Variants in LPP observed in about 807,000 individuals in gnomAD.
The protein encoded by LPP is LIM domain containing preferred translocation partner in lipoma.
LPP carries 38 observed loss-of-function variants against 60.4 expected under a neutral mutation model. That is an observed-to-expected ratio of 0.63 (90% CI 0.49 to 0.83). The LOEUF is 0.83. Ranked by LOEUF, LPP falls within the 40% of genes least tolerant of loss-of-function variation. The pLI is 0.00. For synonymous variants in LPP, 328 were observed against 290.8 expected, an observed-to-expected ratio of 1.13 and a Z score of -1.30; for missense variants, 902 against 783.6, an observed-to-expected ratio of 1.15 and a Z score of -1.80.
At chr3:188,515,260 G>A (rs1156911567) in intron 5 of LPP, among the ~76,000 whole-genome samples, 1 of 152,084 alleles carries the variant, frequency 6.6e-6, no homozygotes, top group Non-Finnish European at 1.5e-5. Flanking sequence ...ACGAGATCTG[G>A]TTGTTTAGAG....
intron 10 of LPP, among the ~76,000 whole-genome samples, chr3:188,872,223 C>T (rs1414851920): frequency 6.6e-6 from 1 of 152,108 alleles, no homozygotes; most frequent in Non-Finnish European, 1.5e-5. Context: ...AAGATACCAA[C>T]CTCAGACTAT....
At chr3:188,531,615 C>G (rs1822197661) in intron 6 of LPP, among the ~76,000 whole-genome samples, 1 of 152,084 alleles carries the variant, frequency 6.6e-6, no homozygotes, top group Admixed American at 6.6e-5. Context: ...CCCTGAAGTG[C>G]AGAGAGGTTT....
intron 3 of LPP, among the ~76,000 whole-genome samples, chr3:188,385,136 T>C (rs1369711487): frequency 6.6e-6 from 1 of 152,078 alleles, no homozygotes; most frequent in Non-Finnish European, 1.5e-5. Flanking sequence ...CTCTGGTTTC[T>C]TTCTATCTGT....
intron 4 of LPP, among the ~76,000 whole-genome samples, chr3:188,420,653 C>G (rs1020040924): frequency 1.3e-5 from 2 of 152,086 alleles, no homozygotes; most frequent in Non-Finnish European, 2.9e-5. Flanking sequence ...ATCAGACCCT[C>G]GAAGAGATTC....
At chr3:188,783,172 T>C (rs1370656652) in intron 9 of LPP, among the ~76,000 whole-genome samples, 1 of 152,134 alleles carries the variant, frequency 6.6e-6, no homozygotes, top group African/African-American at 2.4e-5. Context: ...TGGCCCATAT[T>C]TTCCCTCCAT....
At chr3:188,170,327 TTC>T (rs1721199714) in intron 1 of LPP, among the ~76,000 whole-genome samples, 2 of 121,232 alleles carry the variant, frequency 1.6e-5, no homozygotes, top group African/African-American at 6.8e-5. Flanking sequence ...TTCTTTTCTT[TTC>T]TTTTTTTTTT....
chr3:188,526,743 C>T (rs934467748), intron 6 of LPP, among the ~76,000 whole-genome samples: 7 of 152,168 alleles, frequency 4.6e-5, no homozygotes, highest in Non-Finnish European at 1.0e-4. Flanking sequence ...TAAAAATATA[C>T]TTTGTCCCTG....
intron 4 of LPP, among the ~76,000 whole-genome samples, chr3:188,408,818 T>G (rs1257965266): frequency 6.6e-6 from 1 of 152,090 alleles, no homozygotes; most frequent in Admixed American, 6.5e-5. Context: ...ATGATTTGCT[T>G]GGAGTATGTT....
chr3:188,690,101 G>T (rs766217964), intron 7 of LPP, among the ~76,000 whole-genome samples: 15 of 152,090 alleles, frequency 9.9e-5, no homozygotes, highest in Admixed American at 1.3e-4. Context: ...GCTCCCAAAG[G>T]TCATCATCTT....
At chr3:188,590,835 G>T (rs898422221) in intron 6 of LPP, among the ~76,000 whole-genome samples, 3 of 152,210 alleles carry the variant, frequency 2.0e-5, no homozygotes, top group African/African-American at 7.2e-5. Flanking sequence ...GATCTCTAAG[G>T]CCTTCAATTA....
At chr3:188,422,943 G>GTT (rs1560384249) in intron 4 of LPP, among the ~76,000 whole-genome samples, 1 of 151,450 alleles carries the variant, frequency 6.6e-6, no homozygotes, top group Admixed American at 6.6e-5. Context: ...GTGTGTGTGT[G>GTT]TGTGTGTGTG....
intron 7 of LPP, among the ~76,000 whole-genome samples, chr3:188,627,785 A>G (rs940317009): frequency 6.6e-6 from 1 of 152,090 alleles, no homozygotes; most frequent in African/African-American, 2.4e-5. Context: ...TCTACAGAAT[A>G]TTTCACCCAA....
intron 9 of LPP, among the ~76,000 whole-genome samples, chr3:188,774,356 T>G (rs1163186982): frequency 6.6e-6 from 1 of 152,136 alleles, no homozygotes; most frequent in Non-Finnish European, 1.5e-5. Flanking sequence ...TTTTAACCGT[T>G]TACCACTTCT....
chr3:188,795,689 T>TGCA (rs1745119940), intron 9 of LPP, among the ~76,000 whole-genome samples: 1 of 151,962 alleles, frequency 6.6e-6, no homozygotes, highest in African/African-American at 2.4e-5. Context: ...CTGTCATGCT[T>TGCA]TCATCATCAT....
At chr3:188,451,408 G>T (rs753059110) in intron 4 of LPP, among the ~76,000 whole-genome samples, 1 of 152,166 alleles carries the variant, frequency 6.6e-6, no homozygotes, top group Non-Finnish European at 1.5e-5. Context: ...ATGTGGTGTT[G>T]TCAAGGAAGG....
rs1305810799 is a variant in LPP, at chr3:188,637,725, C to A, written c.1113+27881C>A. ...GAAATACAAACTACCATCAGAGAAA[C>A]CTACAAACACCTCTACGCAAATAAA... is the stretch of plus-strand genomic sequence containing the variant. On this transcript the variant is annotated intron_variant, in intron 7 of 11. Coordinates refer to ENST00000617246, the MANE Select transcript of LPP (RefSeq NM_001375462.1). Among the ~76,000 whole-genome samples, 4 of 152,044 alleles carry A rather than the reference C, an allele frequency of 2.6e-5. No homozygotes were observed. In the East Asian group the frequency reaches 5.8e-4, roughly 22 times the overall value.
At chr3:188,176,288 G>C (rs999311494) in intron 1 of LPP, among the ~76,000 whole-genome samples, 1 of 151,920 alleles carries the variant, frequency 6.6e-6, no homozygotes, top group Non-Finnish European at 1.5e-5. Context: ...TTCAACTTCT[G>C]GGATTTCTTG....
chr3:188,444,681 A>C (rs553255453), intron 4 of LPP, among the ~76,000 whole-genome samples: 42 of 152,334 alleles, frequency 2.8e-4, no homozygotes, highest in Non-Finnish European at 4.1e-4. Flanking sequence ...AGAAACTATC[A>C]TCAGAGTGAA....
chr3:188,758,057 A>T (rs979817931), intron 8 of LPP, among the ~76,000 whole-genome samples: 14 of 151,730 alleles, frequency 9.2e-5, no homozygotes, highest in Non-Finnish European at 1.8e-4. Flanking sequence ...ACTATACAAA[A>T]TTTTTTCATC....
Sources: allele counts gnomAD v4.1 joint callset (sites outside exome capture counted in the v4.1 genomes callset), GRCh38; gene constraint gnomAD v4.1.1; transcripts MANE v1.5; gene names NCBI Gene and HGNC (gene_info 2026-07-23, HGNC 2026-07-21).